The following ZCWPW2 variants were observed in gnomAD, a reference collection of about 807,000 sequenced individuals.
ZCWPW2 encodes zinc finger CW-type and PWWP domain containing 2, also known as zinc finger CW-type PWWP domain protein 2.
In ZCWPW2, 45 loss-of-function variants were observed where a neutral mutation model predicts 46.6. That is an observed-to-expected ratio of 0.96 (90% CI 0.76 to 1.24). The LOEUF (loss-of-function observed/expected upper bound fraction) is 1.24. Ranked by LOEUF, ZCWPW2 falls within the 50% of genes most tolerant of loss-of-function variation. ZCWPW2 has a pLI of 0.00. For missense variants in ZCWPW2, 429 were observed against 403.9 expected (o/e 1.06, Z -0.53); for synonymous variants, 152 against 137.1 (o/e 1.11, Z -0.76).
chr3:28,473,784 C>T (rs1699125168), intron 4 of ZCWPW2, among the ~76,000 whole-genome samples: 1 of 152,152 alleles, frequency 6.6e-6, no homozygotes, highest in South Asian at 2.1e-4. Context: ...GAAAGATAAA[C>T]TTTGCATTTT....
intron 4 of ZCWPW2, among the ~76,000 whole-genome samples, chr3:28,436,129 AT>A (rs1697479306): frequency 6.6e-6 from 1 of 152,090 alleles, no homozygotes; most frequent in Non-Finnish European, 1.5e-5. Context: ...AGTTTCTCAA[AT>A]TTATGAGAAT....
At chr3:28,358,936 T>C (rs1253554281) in intron 1 of ZCWPW2, among the ~76,000 whole-genome samples, 1 of 152,114 alleles carries the variant, frequency 6.6e-6, no homozygotes, top group Non-Finnish European at 1.5e-5. Flanking sequence ...TGAAGTGAGA[T>C]AATGTGTACA....
intron 3 of ZCWPW2, among the ~76,000 whole-genome samples, chr3:28,421,769 A>G (rs185128467): frequency 1.3e-5 from 2 of 151,452 alleles, no homozygotes; most frequent in Admixed American, 1.3e-4. Context: ...ATTTTTTGAT[A>G]GAGGGAGAAA....
At chr3:28,457,859 TA>T (rs1416293409) in intron 4 of ZCWPW2, among the ~76,000 whole-genome samples, 1 of 152,238 alleles carries the variant, frequency 6.6e-6, no homozygotes, top group Admixed American at 6.5e-5. Context: ...TTATTCTTTT[TA>T]AAAATTGTAT....
intron 1 of ZCWPW2, among the ~76,000 whole-genome samples, chr3:28,385,578 T>C (rs1390866170): frequency 1.3e-5 from 2 of 152,182 alleles, no homozygotes; most frequent in East Asian, 1.9e-4. Flanking sequence ...TCAGTACACA[T>C]GATTAGACTA....
At chr3:28,491,265 A>G (rs1414984390) in intron 5 of ZCWPW2, among the ~76,000 whole-genome samples, 1 of 152,148 alleles carries the variant, frequency 6.6e-6, no homozygotes, top group African/African-American at 2.4e-5. Flanking sequence ...GATAGTTTAC[A>G]TGTAACCACC....
At chr3:28,409,415 CG>C (rs147915905) in intron 2 of ZCWPW2, among the ~76,000 whole-genome samples, 3,965 of 152,132 alleles carry the variant, frequency 0.026, 150 homozygotes, top group African/African-American at 0.085. Flanking sequence ...GAACCATGCC[CG>C]GCCACTGTTT....
At chr3:28,420,827 T>G (rs1157123) in intron 3 of ZCWPW2, among the ~76,000 whole-genome samples, 3,293 of 152,212 alleles carry the variant, frequency 0.022, 261 homozygotes, top group Admixed American at 0.15. Flanking sequence ...TAATAACTTT[T>G]TTTCAGTTCA....
rs192748707 is a variant in ZCWPW2 at position 28,390,754 on chromosome 3, T to C, written c.-14+137T>C. The C allele has an allele frequency of 5.0e-3, 3,442 of 690,904 alleles. 13 individuals carry two copies. The highest frequency in any genetic ancestry group is 8.3e-3 in the Middle Eastern group (11 of 1,332). The allele number at this position is 690,904 out of a possible 1,614,324, so 42.8% of individuals were successfully genotyped here. On this transcript the variant is annotated intron_variant, in intron 2 of 9. Coordinates refer to ENST00000383768, the MANE Select transcript of ZCWPW2 (RefSeq NM_001040432.4). Reference sequence around the variant, plus strand: ...GTATAACTTCTCTATGAAATAATAATTTTTCAGATAAAATTAAAATACTAG... The same window carrying C: ...GTATAACTTCTCTATGAAATAATAACTTTTCAGATAAAATTAAAATACTAG...
At chr3:28,429,346 A>C (rs1473807453) in intron 3 of ZCWPW2, among the ~76,000 whole-genome samples, 2 of 152,174 alleles carry the variant, frequency 1.3e-5, no homozygotes, top group Non-Finnish European at 1.5e-5. Context: ...GAGATGATTT[A>C]GGGTATCTGG....
At chr3:28,391,377 A>T (rs1175503361) in intron 2 of ZCWPW2, among the ~76,000 whole-genome samples, 1 of 91,894 alleles carries the variant, frequency 1.1e-5, no homozygotes, top group South Asian at 2.8e-4. Flanking sequence ...ACACACACAC[A>T]TGCACACACA....
intron 9 of ZCWPW2, among the ~76,000 whole-genome samples, chr3:28,524,208 AT>A (rs1700796272): frequency 6.6e-6 from 1 of 152,006 alleles, no homozygotes; most frequent in South Asian, 2.1e-4. Context: ...TTTAAGTTGT[AT>A]TCCCTATAAC....
intron 1 of ZCWPW2, among the ~76,000 whole-genome samples, chr3:28,387,393 T>C (rs1695318220): frequency 6.6e-6 from 1 of 152,196 alleles, no homozygotes; most frequent in Non-Finnish European, 1.5e-5. Flanking sequence ...TACTCTTCTG[T>C]AATTTCCTGG....
chr3:28,506,102 A>AAT (rs982885626), intron 6 of ZCWPW2, among the ~76,000 whole-genome samples: 1 of 147,236 alleles, frequency 6.8e-6, no homozygotes, highest in African/African-American at 2.5e-5. Context: ...TATAATATAT[A>AAT]ATATATATAT....
chr3:28,367,664 C>T (rs1488129359), intron 1 of ZCWPW2, among the ~76,000 whole-genome samples: 1 of 152,110 alleles, frequency 6.6e-6, no homozygotes, highest in African/African-American at 2.4e-5. Context: ...ATTAGGTCCG[C>T]TTGGTGCAGA....
intron 3 of ZCWPW2, among the ~76,000 whole-genome samples, chr3:28,425,142 G>C (rs1474865134): frequency 2.6e-5 from 4 of 152,106 alleles, no homozygotes; most frequent in African/African-American, 7.2e-5. Context: ...AATGAAACAT[G>C]TTTTACCCCA....
chr3:28,466,758 C>A (rs1698839007), intron 4 of ZCWPW2, among the ~76,000 whole-genome samples: 1 of 152,078 alleles, frequency 6.6e-6, no homozygotes, highest in Non-Finnish European at 1.5e-5. Flanking sequence ...GAGATTGCAC[C>A]ACTGGACTCC....
chr3:28,400,902 G>A (rs1164353638), intron 2 of ZCWPW2, among the ~76,000 whole-genome samples: 1 of 152,152 alleles, frequency 6.6e-6, no homozygotes, highest in Non-Finnish European at 1.5e-5. Context: ...AAAGACGGCT[G>A]GGCATGGTGG....
intron 2 of ZCWPW2, among the ~76,000 whole-genome samples, chr3:28,400,780 G>A (rs918009048): frequency 2.0e-5 from 3 of 152,164 alleles, no homozygotes; most frequent in Admixed American, 6.6e-5. Context: ...TACAGGAACT[G>A]CTAAAAAACG....
Sources: gnomAD v4.1 joint callset for allele counts (sites outside exome capture counted in the v4.1 genomes callset) on GRCh38, gnomAD v4.1.1 for gene constraint, MANE v1.5 for transcripts, NCBI Gene and HGNC (gene_info 2026-07-23, HGNC 2026-07-21) for gene names.